MCCC1: variants seen among roughly 807,000 people sequenced by gnomAD.
MCCC1 encodes the protein methylcrotonoyl-CoA carboxylase subunit alpha, mitochondrial.
Under a neutral mutation model 83.8 loss-of-function variants are expected in MCCC1, and 64 were observed. That is an observed-to-expected ratio of 0.76 (90% confidence interval 0.62 to 0.94). The LOEUF (loss-of-function observed/expected upper bound fraction) is 0.94, where lower values mean the gene tolerates loss of function less well. Among genes scored for constraint, MCCC1 ranks in the 40% least tolerant of loss-of-function variants. MCCC1 has a pLI of 0.00. For missense variants in MCCC1, 807 were observed against 904.7 expected (o/e 0.89, Z 1.39); for synonymous variants, 322 against 315.4 (o/e 1.02, Z -0.22).
intron 1 of MCCC1, among the ~76,000 whole-genome samples, chr3:183,109,243 C>T (rs542367814): frequency 4.6e-5 from 7 of 152,268 alleles, no homozygotes; most frequent in East Asian, 1.9e-4. Context: ...CCGCCCACCT[C>T]GACCTCCGAA....
chr3:183,037,175 T>C (rs188722134), intron 13 of MCCC1, 43 bp downstream of exon 13: 123 of 1,591,782 alleles, frequency 7.7e-5, no homozygotes, highest in Non-Finnish European at 3.7e-5. Context: ...AATGATGATT[T>C]GCAAAACTTG....
At chr3:183,036,537 CTTTTTTTTTTT>C (rs11411314) in intron 13 of MCCC1, among the ~76,000 whole-genome samples, 1 of 117,682 alleles carries the variant, frequency 8.5e-6, no homozygotes, top group African/African-American at 3.1e-5. Flanking sequence ...GATCCATTTC[CTTTTTTTTTTT>C]TTTTTTTTTT....
chr3:183,035,870 A>G (rs1298204138), intron 13 of MCCC1, among the ~76,000 whole-genome samples: 1 of 151,970 alleles, frequency 6.6e-6, no homozygotes, highest in East Asian at 1.9e-4. Context: ...GTACATGTGC[A>G]CAAGGTGCAG....
At chr3:183,035,876 T>C (rs1465831947) in intron 13 of MCCC1, among the ~76,000 whole-genome samples, 1 of 151,708 alleles carries the variant, frequency 6.6e-6, no homozygotes, top group African/African-American at 2.4e-5. Context: ...GTGCACAAGG[T>C]GCAGGTTTGT....
At position 183,015,321 on chromosome 3, in the gene MCCC1, A is replaced by T; in HGVS notation, c.*117T>A. ...TCCAATATGAAAGGTGTTCAGCATA[A>T]GCATACAATCATTTAGTAAAACTGC... On this transcript the variant is annotated 3_prime_UTR_variant, in exon 19 of 19. Coordinates refer to ENST00000265594, the MANE Select transcript of MCCC1 (RefSeq NM_020166.5). 1 of 1,029,246 alleles carries T rather than the reference A, an allele frequency of 9.7e-7. No individual in the cohort carries two copies. The highest frequency in any genetic ancestry group is 1.3e-5 in the South Asian group (1 of 78,848). The allele number at this position is 1,029,246 out of a possible 1,614,324, so 63.8% of individuals were successfully genotyped here.
At chr3:183,015,939 T>C (rs1711587294) in intron 18 of MCCC1, among the ~76,000 whole-genome samples, 2 of 151,700 alleles carry the variant, frequency 1.3e-5, no homozygotes, top group Admixed American at 1.3e-4. Context: ...TTTGTTGTTG[T>C]TGCTGTTGAG....
In MCCC1 at chr3:183,024,618, C is replaced by CAA. The variant is rs59036126; in HGVS notation, c.1731+1135_1731+1136dup. ...ACTCATTAGTATTGCTATTATAAAA[C>CAA]AAAAAAAAAACAAAACCCCAGAAAA... On this transcript the variant is annotated intron_variant, in intron 15 of 18. Transcript: ENST00000265594. Among the ~76,000 whole-genome samples, 523 of 148,496 alleles carry CAA rather than the reference C, an allele frequency of 3.5e-3. 1 individual carries two copies. The highest frequency in any genetic ancestry group is 5.6e-3 in the Admixed American group (83 of 14,898).
chr3:183,082,114 G>A (rs1047727939), intron 4 of MCCC1, among the ~76,000 whole-genome samples: 4 of 152,170 alleles, frequency 2.6e-5, no homozygotes, highest in Non-Finnish European at 5.9e-5. Flanking sequence ...TGTTCTTTCT[G>A]CTCATCCACA....
Position 183,015,296 on chromosome 3 carries a change from TC to T in MCCC1, c.*141del. Reference sequence around the variant, plus strand: ...AATTAGTGACCCAAATGCATGATTCTCCAATATGAAAGGTGTTCAGCATAAG... The same window carrying T: ...AATTAGTGACCCAAATGCATGATTCTCAATATGAAAGGTGTTCAGCATAAG... On this transcript the variant is annotated 3_prime_UTR_variant, in exon 19 of 19. Coordinates refer to ENST00000265594, the MANE Select transcript of MCCC1 (RefSeq NM_020166.5). The T allele has an allele frequency of 1.2e-6, 1 of 839,124 alleles. No individual in the cohort carries two copies. 52.0% of individuals were successfully genotyped at this position (839,124 alleles called of 1,614,324 possible). A position where few individuals can be genotyped will look rare whatever the true frequency, so the allele number is the denominator to read the frequency against.
intron 15 of MCCC1, among the ~76,000 whole-genome samples, chr3:183,023,191 C>G (rs1712300169): frequency 6.6e-6 from 1 of 152,168 alleles, no homozygotes; most frequent in African/African-American, 2.4e-5. Context: ...TTTAAAATTT[C>G]CCTGAGGTAA....
At chr3:183,115,063 A>G (rs1483426840) in intron 1 of MCCC1, among the ~76,000 whole-genome samples, 2 of 151,880 alleles carry the variant, frequency 1.3e-5, no homozygotes, top group Non-Finnish European at 2.9e-5. Context: ...CCTCTCTCCT[A>G]CCAACTGTGT....
intron 4 of MCCC1, among the ~76,000 whole-genome samples, chr3:183,075,377 T>C (rs935879839): frequency 2.0e-5 from 3 of 152,318 alleles, no homozygotes; most frequent in African/African-American, 7.2e-5. Flanking sequence ...TGACATCTGT[T>C]ATTTTTTTGA....
At chr3:183,114,160 A>G (rs530338648) in intron 1 of MCCC1, among the ~76,000 whole-genome samples, 11 of 152,310 alleles carry the variant, frequency 7.2e-5, no homozygotes, top group South Asian at 2.1e-4. Context: ...TCTGATTGAT[A>G]ACGCCCAAAG....
intron 3 of MCCC1, chr3:183,091,166 G>A (rs1718301854): frequency 5.5e-6 from 2 of 363,060 alleles, no homozygotes; most frequent in African/African-American, 4.3e-5. Context: ...AAAAGCCCAG[G>A]TGAGGCTGCT....
chr3:183,075,029 T>A (rs542233951), intron 4 of MCCC1, among the ~76,000 whole-genome samples: 2 of 152,322 alleles, frequency 1.3e-5, no homozygotes, highest in South Asian at 2.1e-4. Context: ...CCATCCATGT[T>A]CCCGCAAAAG....
intron 1 of MCCC1, among the ~76,000 whole-genome samples, chr3:183,095,636 G>A (rs1436375948): frequency 6.6e-6 from 1 of 152,116 alleles, no homozygotes; most frequent in Non-Finnish European, 1.5e-5. Context: ...GGTGGGGTAA[G>A]GTTGAGCTTT....
intron 8 of MCCC1, among the ~76,000 whole-genome samples, chr3:183,055,364 C>T (rs1366549667): frequency 2.0e-5 from 3 of 151,816 alleles, no homozygotes; most frequent in Admixed American, 6.6e-5. Context: ...GAGCTGAGAT[C>T]GCGCCACTGC....
intron 17 of MCCC1, among the ~76,000 whole-genome samples, 170 bp downstream of exon 17, chr3:183,019,960 G>T (rs1406150424): frequency 6.6e-6 from 1 of 152,222 alleles, no homozygotes; most frequent in Admixed American, 6.5e-5. Context: ...GGTATTTTCA[G>T]TGAGGACTGT....
chr3:183,017,449 T>C (rs1474770923), intron 17 of MCCC1, 112 bp from the exon 18 acceptor site: 7 of 934,460 alleles, frequency 7.5e-6, no homozygotes, highest in Non-Finnish European at 8.6e-6. Context: ...TAACATCATG[T>C]TGCAAACCAT....
Sources: allele counts gnomAD v4.1 joint callset (sites outside exome capture counted in the v4.1 genomes callset), GRCh38; gene constraint gnomAD v4.1.1; transcripts MANE v1.5; gene names NCBI Gene and HGNC (gene_info 2026-07-23, HGNC 2026-07-21).